DAAM1: variants seen among roughly 807,000 people sequenced by gnomAD.
The protein encoded by DAAM1 is dishevelled associated activator of morphogenesis 1.
A neutral mutation model predicts 130.0 loss-of-function variants in DAAM1; 52 were observed. The ratio of observed to expected loss-of-function variants is 0.40; its 90% confidence interval spans 0.32 to 0.50. The LOEUF is 0.50. Ranked by LOEUF, DAAM1 falls within the 20% of genes least tolerant of loss-of-function variation. DAAM1 has a pLI of 0.61. For synonymous variants in DAAM1, 452 were observed against 444.5 expected (o/e 1.02, Z -0.21); for missense variants, 1,134 against 1,303.8 (o/e 0.87, Z 2.01).
chr14:59,360,710 A>G (rs1886672257), intron 21 of DAAM1, 92 bp from the exon 22 acceptor site: 3 of 1,042,484 alleles, frequency 2.9e-6, no homozygotes, highest in South Asian at 3.8e-5. Flanking sequence ...TTAAAATAGG[A>G]TGGACTTCCA....
chr14:59,222,364 G>A (rs986393504), intron 1 of DAAM1, among the ~76,000 whole-genome samples: 3 of 152,218 alleles, frequency 2.0e-5, no homozygotes, highest in African/African-American at 4.8e-5. Context: ...GTCCATTCCA[G>A]TAAGGATAAA....
At chr14:59,246,666 C>A (rs1881394737) in intron 1 of DAAM1, among the ~76,000 whole-genome samples, 1 of 152,168 alleles carries the variant, frequency 6.6e-6, no homozygotes, top group African/African-American at 2.4e-5. Flanking sequence ...ATAATCCCAG[C>A]AACTGTACAG....
intron 3 of DAAM1, among the ~76,000 whole-genome samples, chr14:59,303,798 G>T (rs989802227): frequency 6.6e-6 from 1 of 152,110 alleles, no homozygotes; most frequent in Non-Finnish European, 1.5e-5. Context: ...TACTCGAGAG[G>T]TTGAGGCACG....
chr14:59,196,283 G>A (rs573678175), intron 1 of DAAM1, among the ~76,000 whole-genome samples: 7 of 152,194 alleles, frequency 4.6e-5, no homozygotes, highest in Non-Finnish European at 1.0e-4. Context: ...TTCACCAGAT[G>A]AGATAGATTG....
chr14:59,273,735 A>G (rs1882829596), intron 2 of DAAM1, among the ~76,000 whole-genome samples: 1 of 152,218 alleles, frequency 6.6e-6, no homozygotes, highest in South Asian at 2.1e-4. Flanking sequence ...CTTTATAAGT[A>G]GTGTGGTTTA....
At chr14:59,330,837 A>G (rs1179142323) in intron 13 of DAAM1, 149 bp downstream of exon 13, 10 of 852,912 alleles carry the variant, frequency 1.2e-5, no homozygotes, top group East Asian at 2.8e-5. Flanking sequence ...TCCCTCTGCT[A>G]TCATGTAGGC....
intron 2 of DAAM1, among the ~76,000 whole-genome samples, chr14:59,270,088 CA>C (rs1385160983): frequency 6.6e-6 from 1 of 152,130 alleles, no homozygotes; most frequent in East Asian, 1.9e-4. Context: ...GTTAAATTTA[CA>C]GAAATAACCA....
chr14:59,298,567 A>G (rs1283775538), intron 3 of DAAM1, among the ~76,000 whole-genome samples: 1 of 152,198 alleles, frequency 6.6e-6, no homozygotes, highest in African/African-American at 2.4e-5. Flanking sequence ...AAAGCTAGTG[A>G]TCCATTTCCT....
At chr14:59,214,401 A>G (rs1016099633) in intron 1 of DAAM1, among the ~76,000 whole-genome samples, 2 of 152,246 alleles carry the variant, frequency 1.3e-5, no homozygotes, top group Admixed American at 1.3e-4. Context: ...CTCCTCAGGA[A>G]GGTCATCCTA....
At chr14:59,213,964 C>G (rs1888503120) in intron 1 of DAAM1, among the ~76,000 whole-genome samples, 1 of 152,216 alleles carries the variant, frequency 6.6e-6, no homozygotes, top group Non-Finnish European at 1.5e-5. Flanking sequence ...CAGCAGTGGT[C>G]ACCTATTTCC....
chr14:59,223,677 G>A (rs1341060917), intron 1 of DAAM1, among the ~76,000 whole-genome samples: 1 of 152,216 alleles, frequency 6.6e-6, no homozygotes, highest in Non-Finnish European at 1.5e-5. Context: ...GTGGGCTAGA[G>A]TAACACGCCC....
At chr14:59,258,121 C>T (rs969718699) in intron 1 of DAAM1, among the ~76,000 whole-genome samples, 2 of 152,132 alleles carry the variant, frequency 1.3e-5, no homozygotes, top group Non-Finnish European at 2.9e-5. Context: ...CATTTTCATC[C>T]CTCTTCCCTT....
intron 15 of DAAM1, among the ~76,000 whole-genome samples, chr14:59,335,175 T>A (rs1594831666): frequency 1.3e-5 from 2 of 152,202 alleles, no homozygotes; most frequent in Non-Finnish European, 2.9e-5. Context: ...ATGTCAGACT[T>A]TGTATAGGAT....
chr14:59,316,138 A>C (rs571273714), intron 4 of DAAM1, among the ~76,000 whole-genome samples: 3 of 152,204 alleles, frequency 2.0e-5, no homozygotes, highest in African/African-American at 7.2e-5. Context: ...AGTAGAATGC[A>C]GTCTTTGTCT....
At chr14:59,222,263 G>T (rs1256382363) in intron 1 of DAAM1, among the ~76,000 whole-genome samples, 1 of 152,234 alleles carries the variant, frequency 6.6e-6, no homozygotes, top group Admixed American at 6.5e-5. Context: ...TATTCACTAT[G>T]ATGGTGAATA....
At chr14:59,289,767 GAT>G in intron 2 of DAAM1, among the ~76,000 whole-genome samples, 4 of 110,254 alleles carry the variant, frequency 3.6e-5, no homozygotes, top group South Asian at 5.4e-4. Context: ...AACAAAATGT[GAT>G]ATATATATAT....
At chr14:59,267,489 T>TAAAAAAA (rs985634410) in intron 2 of DAAM1, among the ~76,000 whole-genome samples, 4 of 144,654 alleles carry the variant, frequency 2.8e-5, no homozygotes, top group Non-Finnish European at 6.1e-5. Context: ...CTGCTTAACT[T>TAAAAAAA]AAAAAAAAAA....
At chr14:59,209,154 C>G (rs1057166168) in intron 1 of DAAM1, among the ~76,000 whole-genome samples, 2 of 152,228 alleles carry the variant, frequency 1.3e-5, no homozygotes, top group African/African-American at 4.8e-5. Context: ...CTCCTATAAT[C>G]TGTTAAATAC....
At chr14:59,242,751 G>T (rs1473038063) in intron 1 of DAAM1, among the ~76,000 whole-genome samples, 1 of 152,132 alleles carries the variant, frequency 6.6e-6, no homozygotes, top group African/African-American at 2.4e-5. Flanking sequence ...GTAGAAACAG[G>T]GTTTCACCGT....
Sources: allele counts gnomAD v4.1 joint callset (sites outside exome capture counted in the v4.1 genomes callset), GRCh38; gene constraint gnomAD v4.1.1; transcripts MANE v1.5; gene names NCBI Gene and HGNC (gene_info 2026-07-23, HGNC 2026-07-21).